The following KDM6A variants were observed in gnomAD, a reference collection of about 807,000 sequenced individuals.
KDM6A encodes the protein lysine-specific demethylase 6A.
A neutral mutation model predicts 117.6 loss-of-function variants in KDM6A; 11 were observed. The ratio of observed to expected loss-of-function variants is 0.09; its 90% CI spans 0.06 to 0.15. The LOEUF (loss-of-function observed/expected upper bound fraction) is 0.15. KDM6A is among the 10% of genes least tolerant of loss of function. The probability of loss-of-function intolerance (pLI) is 1.00; values close to 1 mark genes in which losing one functional copy is unlikely to be tolerated. For missense variants in KDM6A, 799 were observed against 1,077.3 expected, an observed-to-expected ratio of 0.74 and a Z score of 3.62; for synonymous variants, 384 against 396.1, an observed-to-expected ratio of 0.97 and a Z score of 0.36.
At chrX:45,106,708 C>A in intron 27 of KDM6A, 1 of 321,582 alleles carries the variant, frequency 3.1e-6, no homozygotes. Flanking sequence ...AGAATCAGTA[C>A]AAATTGTGAG....
At chrX:45,032,014 A>G (rs1268364064) in intron 6 of KDM6A, among the ~76,000 whole-genome samples, 1 of 111,513 alleles carries the variant, frequency 9.0e-6, no homozygotes, top group East Asian at 2.8e-4. Flanking sequence ...GCTCCATAAA[A>G]AGAAAATCTC....
intron 18 of KDM6A, among the ~76,000 whole-genome samples, chrX:45,074,182 T>C (rs2045002600): frequency 9.0e-6 from 1 of 111,593 alleles, no homozygotes; most frequent in African/African-American, 3.3e-5. Flanking sequence ...ATCAGATGAT[T>C]GTAGATGTGT....
chrX:45,021,709 A>C (rs1456915975), intron 6 of KDM6A, among the ~76,000 whole-genome samples: 4 of 112,166 alleles, frequency 3.6e-5, no homozygotes, highest in Non-Finnish European at 7.5e-5. Flanking sequence ...ATGATGTTAA[A>C]GAGAGAGGGA....
chrX:45,060,876 A>G, intron 14 of KDM6A, 112 bp downstream of exon 14: 4 of 447,130 alleles, frequency 8.9e-6, no homozygotes, highest in Non-Finnish European at 1.4e-5. Context: ...TGGACATCAA[A>G]GAGTGAAAGG....
At chrX:45,030,269 A>G (rs1397335184) in intron 6 of KDM6A, among the ~76,000 whole-genome samples, 1 of 107,173 alleles carries the variant, frequency 9.3e-6, no homozygotes, top group African/African-American at 3.4e-5. Context: ...GAACATCTTC[A>G]GTATACAGTG....
At chrX:44,916,185 A>G (rs976525818) in intron 2 of KDM6A, among the ~76,000 whole-genome samples, 10 of 111,068 alleles carry the variant, frequency 9.0e-5, no homozygotes, top group Admixed American at 2.9e-4. Context: ...GTCTTGGAAC[A>G]TTTCCTCTGT....
At chrX:45,003,296 G>A (rs1254127054) in intron 4 of KDM6A, among the ~76,000 whole-genome samples, 1 of 110,646 alleles carries the variant, frequency 9.0e-6, no homozygotes, top group Non-Finnish European at 1.9e-5. Context: ...GTTCCTCCTA[G>A]GTCTGGTCGG....
At chrX:45,006,424 G>A (rs1204815017) in intron 4 of KDM6A, among the ~76,000 whole-genome samples, 1 of 110,578 alleles carries the variant, frequency 9.0e-6, no homozygotes, top group African/African-American at 3.3e-5. Context: ...CTATAGAAGG[G>A]TGTGCCTTCT....
chrX:44,947,186 T>A (rs187755570), intron 2 of KDM6A, among the ~76,000 whole-genome samples: 2 of 111,030 alleles, frequency 1.8e-5, no homozygotes, highest in Admixed American at 1.9e-4. Flanking sequence ...CCACCAGATA[T>A]ACTGAGTTTT....
intron 2 of KDM6A, among the ~76,000 whole-genome samples, chrX:44,941,665 G>A (rs1469080915): frequency 8.2e-5 from 9 of 109,250 alleles, no homozygotes; most frequent in Non-Finnish European, 1.5e-4. Context: ...TGTATTTTTA[G>A]TAGAGATGGG....
chrX:44,968,433 C>T (rs1448515343), intron 3 of KDM6A, among the ~76,000 whole-genome samples: 5 of 112,576 alleles, frequency 4.4e-5, no homozygotes, highest in Non-Finnish European at 9.4e-5. Flanking sequence ...AGCCAAATTG[C>T]TGATGGGGCT....
intron 4 of KDM6A, among the ~76,000 whole-genome samples, chrX:44,994,271 G>A (rs1354852272): frequency 9.0e-6 from 1 of 111,486 alleles, no homozygotes; most frequent in Non-Finnish European, 1.9e-5. Flanking sequence ...TGAGCCTCTG[G>A]TAACCACTGC....
chrX:44,933,949 A>G (rs1204664390), intron 2 of KDM6A, among the ~76,000 whole-genome samples: 5 of 112,693 alleles, frequency 4.4e-5, no homozygotes, highest in Admixed American at 1.9e-4. Flanking sequence ...TCTTTTCAGT[A>G]TAACAGCTTT....
intron 27 of KDM6A, among the ~76,000 whole-genome samples, chrX:45,100,844 CTT>C (rs1225443312): frequency 9.8e-6 from 1 of 102,388 alleles, no homozygotes. Context: ...TTTCTTTCTT[CTT>C]TTTTTTTTTA....
Position 44,985,313 on chromosome X carries a change from A to G in KDM6A, c.384+10598A>G, listed in dbSNP as rs746344492. On this transcript the variant is annotated intron_variant, in intron 4 of 29. Transcript: ENST00000611820. ...TCAGCTTAAGGAGATTTTGGGCTGA[A>G]ACGATGGGGTTTTCTAGATATACAA... Among the ~76,000 whole-genome samples the G allele has an allele frequency of 5.6e-3, 623 of 111,531 alleles. 4 individuals carry two copies. Among genetic ancestry groups the G allele is most frequent in the Non-Finnish European group, 9.0e-3 (478 of 53,074 alleles).
At chrX:44,886,558 C>T (rs1244989514) in intron 2 of KDM6A, among the ~76,000 whole-genome samples, 3 of 103,098 alleles carry the variant, frequency 2.9e-5, no homozygotes, top group Non-Finnish European at 4.0e-5. Context: ...GGCAGGATCT[C>T]GGCTCACTGC....
At chrX:44,962,382 C>T (rs1478038436) in intron 3 of KDM6A, among the ~76,000 whole-genome samples, 1 of 111,561 alleles carries the variant, frequency 9.0e-6, no homozygotes, top group Non-Finnish European at 1.9e-5. Flanking sequence ...ATAAACATCG[C>T]TGAGTATCTG....
At chrX:45,021,592 A>G (rs1404909297) in intron 6 of KDM6A, among the ~76,000 whole-genome samples, 1 of 111,779 alleles carries the variant, frequency 8.9e-6, no homozygotes, top group Non-Finnish European at 1.9e-5. Flanking sequence ...CTGAAGGTTA[A>G]AAATAAAAAA....
chrX:44,912,467 A>G lies in KDM6A; in HGVS notation c.225+38480A>G, dbSNP rs747794475. 2.7e-5 allele frequency among the ~76,000 whole-genome samples: 3 copies of G among 112,059 alleles called. No individual in the cohort carries two copies. The East Asian group carries it at 8.4e-4, about 31-fold the overall frequency. On this transcript the variant is annotated intron_variant, in intron 2 of 29. Transcript: ENST00000611820. ...AGTGGGAAGAAATGCATTTTACATC[A>G]TGATCCACTACACAACACACGTATG... is the stretch of plus-strand genomic sequence containing the variant.
Sources: gnomAD v4.1 joint callset for allele counts (sites outside exome capture counted in the v4.1 genomes callset) on GRCh38, gnomAD v4.1.1 for gene constraint, MANE v1.5 for transcripts, NCBI Gene and HGNC (gene_info 2026-07-23, HGNC 2026-07-21) for gene names.